The following ERCC6L2 variants were observed in gnomAD, a reference collection of about 807,000 sequenced individuals.
ERCC6L2 encodes DNA excision repair protein ERCC-6-like 2.
ERCC6L2 carries 77 observed loss-of-function variants against 132.0 expected under a neutral mutation model. The ratio of observed to expected loss-of-function variants is 0.58; its 90% CI spans 0.49 to 0.71. The LOEUF is 0.71. Ranked by LOEUF, ERCC6L2 falls within the 30% of genes least tolerant of loss-of-function variation. The probability of loss-of-function intolerance (pLI) is 0.00; values close to 1 mark genes in which losing one functional copy is unlikely to be tolerated. For missense variants in ERCC6L2, 1,542 were observed against 1,837.6 expected, an observed-to-expected ratio of 0.84 and a Z score of 2.94; for synonymous variants, 583 against 632.4, an observed-to-expected ratio of 0.92 and a Z score of 1.17.
chr9:96,012,469 A>G lies in ERCC6L2; in HGVS notation c.3919A>G (p.Arg1307Gly), dbSNP rs955358714. ...SDKRESLIKP[R>G]LSDSETLSFK... Reference sequence around the variant, plus strand: ...TAAAAGAGAATCTCTTATAAAACCAAGGCTGTCAGATTCTGAAACCTTGTC... The same window carrying G: ...TAAAAGAGAATCTCTTATAAAACCAGGGCTGTCAGATTCTGAAACCTTGTC... Residue 1307 changes from arginine to glycine, a missense_variant, in exon 19 of 19, where the codon AGG becomes GGG. Coordinates refer to ENST00000653738, the MANE Select transcript of ERCC6L2 (RefSeq NM_020207.7). 6 of 1,367,382 alleles carry G rather than the reference A, an allele frequency of 4.4e-6. No individual in the cohort carries two copies. Among genetic ancestry groups the G allele is most frequent in the Non-Finnish European group, 5.9e-6 (6 of 1,021,774 alleles). The allele number at this position is 1,367,382 out of a possible 1,614,324, so 84.7% of individuals were successfully genotyped here.
At chr9:95,901,486 T>C (rs1828775095) in intron 3 of ERCC6L2, among the ~76,000 whole-genome samples, 1 of 152,254 alleles carries the variant, frequency 6.6e-6, no homozygotes, top group South Asian at 2.1e-4. Flanking sequence ...TTGGCCATTA[T>C]TTTTCTTGAC....
At chr9:95,924,703 T>C (rs1448126414) in intron 9 of ERCC6L2, among the ~76,000 whole-genome samples, 1 of 152,262 alleles carries the variant, frequency 6.6e-6, no homozygotes, top group East Asian at 1.9e-4. Flanking sequence ...TAATATATAC[T>C]TGTAAAATAT....
intron 1 of ERCC6L2, among the ~76,000 whole-genome samples, chr9:95,878,497 T>A (rs1231706745): frequency 2.7e-5 from 4 of 149,842 alleles, no homozygotes; most frequent in Admixed American, 1.3e-4. Flanking sequence ...TGTTTTTTTT[T>A]AAATGCCAGC....
chr9:96,005,809 G>A (rs1564299631), intron 18 of ERCC6L2, among the ~76,000 whole-genome samples: 1 of 152,178 alleles, frequency 6.6e-6, no homozygotes. Context: ...CTTCCCTGTA[G>A]AAGAGTGCAG....
intron 2 of ERCC6L2, among the ~76,000 whole-genome samples, chr9:95,891,309 T>A (rs1828151101): frequency 6.6e-6 from 1 of 152,228 alleles, no homozygotes; most frequent in African/African-American, 2.4e-5. Flanking sequence ...ATAAAAATAA[T>A]TCTGATTACA....
intron 2 of ERCC6L2, among the ~76,000 whole-genome samples, chr9:95,888,604 C>T (rs566738987): frequency 6.6e-6 from 1 of 152,140 alleles, no homozygotes; most frequent in Admixed American, 6.5e-5. Context: ...TCTACTGGAC[C>T]ACCATAGTGT....
At chr9:95,958,579 T>G (rs1286984779) in intron 13 of ERCC6L2, among the ~76,000 whole-genome samples, 2 of 152,194 alleles carry the variant, frequency 1.3e-5, no homozygotes, top group African/African-American at 4.8e-5. Context: ...CTCATTGTGG[T>G]TTTGATTTGC....
chr9:96,001,717 C>T (rs930305275), intron 17 of ERCC6L2, among the ~76,000 whole-genome samples: 5 of 152,260 alleles, frequency 3.3e-5, no homozygotes, highest in Admixed American at 6.5e-5. Context: ...GCCGTGTGCT[C>T]GCATTCCTCA....
intron 2 of ERCC6L2, among the ~76,000 whole-genome samples, chr9:95,891,231 T>C (rs1369816058): frequency 6.6e-6 from 1 of 152,100 alleles, no homozygotes; most frequent in African/African-American, 2.4e-5. Context: ...AAAAAGCTCC[T>C]GTTTATTGAA....
intron 16 of ERCC6L2, 138 bp downstream of exon 16, chr9:95,973,226 G>T (rs376216691): frequency 3.6e-4 from 184 of 511,780 alleles, no homozygotes; most frequent in Non-Finnish European, 5.4e-4. Context: ...GAACGGTTGG[G>T]TAGCAGGATA....
chr9:95,907,406 C>A, intron 4 of ERCC6L2, 135 bp downstream of exon 4: 1 of 669,378 alleles, frequency 1.5e-6, no homozygotes, highest in Non-Finnish European at 2.3e-6. Context: ...AGTTTCGCCA[C>A]GTTGCCCAGG....
At chr9:95,921,384 A>G in intron 7 of ERCC6L2, 69 bp downstream of exon 7, 1 of 1,267,782 alleles carries the variant, frequency 7.9e-7, no homozygotes, top group Non-Finnish European at 1.1e-6. Context: ...GTGTAAAAGA[A>G]AGTAGCAGAT....
intron 16 of ERCC6L2, among the ~76,000 whole-genome samples, chr9:95,974,373 T>C (rs950698549): frequency 2.6e-5 from 4 of 152,192 alleles, no homozygotes; most frequent in Admixed American, 2.6e-4. Flanking sequence ...TCTTAGTAAT[T>C]GATTCAAACA....
intron 3 of ERCC6L2, among the ~76,000 whole-genome samples, chr9:95,899,600 A>ATATATATATGTGTGTGTG (rs746946004): frequency 7.4e-5 from 10 of 134,818 alleles, no homozygotes; most frequent in Admixed American, 2.3e-4. Context: ...TTATATATAT[A>ATATATATATGTGTGTGTG]TGTGTGTGTG....
At chr9:95,884,850 CTAG>C (rs2132532835) in intron 2 of ERCC6L2, among the ~76,000 whole-genome samples, 1 of 152,236 alleles carries the variant, frequency 6.6e-6, no homozygotes, top group South Asian at 2.1e-4. Context: ...TAAAAGTGAC[CTAG>C]TAGTAGGTGA....
intron 1 of ERCC6L2, among the ~76,000 whole-genome samples, chr9:95,879,417 G>A (rs1827471936): frequency 6.6e-6 from 1 of 152,138 alleles, no homozygotes; most frequent in African/African-American, 2.4e-5. Context: ...AAATGATAGG[G>A]TAGGCAAACA....
intron 4 of ERCC6L2, among the ~76,000 whole-genome samples, chr9:95,912,969 C>A (rs1271532008): frequency 6.6e-6 from 1 of 152,178 alleles, no homozygotes; most frequent in Non-Finnish European, 1.5e-5. Flanking sequence ...TGCATCACTT[C>A]AGGAAGTACC....
intron 2 of ERCC6L2, among the ~76,000 whole-genome samples, chr9:95,895,392 G>GT (rs1828399534): frequency 6.6e-6 from 1 of 152,104 alleles, no homozygotes; most frequent in Non-Finnish European, 1.5e-5. Context: ...TGTTTAGACA[G>GT]TTTAGTCCAT....
intron 18 of ERCC6L2, among the ~76,000 whole-genome samples, chr9:96,011,707 T>C (rs1834030829): frequency 6.6e-6 from 1 of 152,242 alleles, no homozygotes; most frequent in African/African-American, 2.4e-5. Context: ...AACTTTCCTT[T>C]GGGCTCATCA....
Sources: gnomAD v4.1 joint callset for allele counts (sites outside exome capture counted in the v4.1 genomes callset) on GRCh38, gnomAD v4.1.1 for gene constraint, MANE v1.5 for transcripts, NCBI Gene and HGNC (gene_info 2026-07-23, HGNC 2026-07-21) for gene names.